GALNTL6: variants seen among roughly 807,000 people sequenced by gnomAD.
GALNTL6 encodes the protein polypeptide N-acetylgalactosaminyltransferase-like 6.
GALNTL6 carries 46 observed loss-of-function variants against 73.7 expected under a neutral mutation model. That is an observed-to-expected ratio of 0.62 (90% CI 0.49 to 0.80). GALNTL6 has a LOEUF of 0.80. Ranked by LOEUF, GALNTL6 falls within the 30% of genes least tolerant of loss-of-function variation. GALNTL6 has a pLI of 0.00. For synonymous variants in GALNTL6, 259 were observed against 263.7 expected, an observed-to-expected ratio of 0.98 and a Z score of 0.17; for missense variants, 604 against 755.0, an observed-to-expected ratio of 0.80 and a Z score of 2.34.
At chr4:171,837,737 A>C (rs1182918114) in intron 2 of GALNTL6, among the ~76,000 whole-genome samples, 2 of 148,186 alleles carry the variant, frequency 1.3e-5, no homozygotes, top group Non-Finnish European at 1.5e-5. Flanking sequence ...CACTTTTCTG[A>C]AGTTTAAGTT....
At chr4:172,465,758 A>G (rs995911308) in intron 5 of GALNTL6, among the ~76,000 whole-genome samples, 3 of 152,246 alleles carry the variant, frequency 2.0e-5, no homozygotes, top group African/African-American at 4.8e-5. Flanking sequence ...TGAGAAGATC[A>G]TAACAAGTAG....
intron 5 of GALNTL6, among the ~76,000 whole-genome samples, chr4:172,678,789 T>C (rs1732452656): frequency 6.6e-6 from 1 of 152,208 alleles, no homozygotes; most frequent in Non-Finnish European, 1.5e-5. Flanking sequence ...TGAGTTAATT[T>C]CTGAGGAGTG....
rs115747520 is a variant in GALNTL6, at chr4:172,030,878, T to C, written c.139-198778T>C. Among the ~76,000 whole-genome samples the C allele has an allele frequency of 6.0e-3, 910 of 152,134 alleles. 7 individuals carry two copies. The highest frequency in any genetic ancestry group is 0.021 in the African/African-American group (884 of 41,534). The stretch of plus-strand genomic sequence containing the variant: ...TAATTTTACAGCATCTGGAAATAGT[T>C]TACTATAGCATTATGTAAAATAAAC... On this transcript the variant is annotated intron_variant, in intron 2 of 12. Transcript: ENST00000506823.
intron 10 of GALNTL6, among the ~76,000 whole-genome samples, chr4:172,966,817 A>G (rs758516299): frequency 1.3e-5 from 2 of 152,386 alleles, no homozygotes; most frequent in East Asian, 3.9e-4. Context: ...CTTGAAATGT[A>G]GTGAGCCGCT....
Position 172,518,033 on chromosome 4 carries a change from G to A in GALNTL6, c.553+169344G>A, listed in dbSNP as rs181053921. Among the ~76,000 whole-genome samples, 23 of 151,912 alleles carry A rather than the reference G, an allele frequency of 1.5e-4. No individual in the cohort carries two copies. The East Asian group carries it at 3.7e-3, about 24-fold the overall frequency. ...TTGAATTTTCCAAAACAGTCTCAAT[G>A]TCACATATTCTGCCCCAGTATGCTC... is the stretch of plus-strand genomic sequence containing the variant. On this transcript the variant is annotated intron_variant, in intron 5 of 12. Transcript: ENST00000506823.
At chr4:172,103,927 TG>T (rs1352261615) in intron 2 of GALNTL6, among the ~76,000 whole-genome samples, 1 of 149,766 alleles carries the variant, frequency 6.7e-6, no homozygotes, top group African/African-American at 2.5e-5. Flanking sequence ...GACAGGTTTT[TG>T]TTTTTTTCTT....
chr4:172,433,733 C>CCATTGGGTTA (rs1305478844), intron 5 of GALNTL6, among the ~76,000 whole-genome samples: 2 of 151,996 alleles, frequency 1.3e-5, no homozygotes, highest in African/African-American at 2.4e-5. Flanking sequence ...ATACATCCTT[C>CCATTGGGTTA]CATTGGGTTA....
At chr4:172,494,018 T>A (rs1245822075) in intron 5 of GALNTL6, among the ~76,000 whole-genome samples, 1 of 152,146 alleles carries the variant, frequency 6.6e-6, no homozygotes, top group Non-Finnish European at 1.5e-5. Flanking sequence ...TTAACCTATA[T>A]ATTTTACCTG....
intron 5 of GALNTL6, among the ~76,000 whole-genome samples, chr4:172,781,095 G>C (rs1191696785): frequency 3.3e-5 from 5 of 152,170 alleles, no homozygotes; most frequent in Admixed American, 1.3e-4. Flanking sequence ...TTCAGCAGAT[G>C]AAACAAGAAA....
intron 2 of GALNTL6, among the ~76,000 whole-genome samples, chr4:171,902,071 A>C (rs547825458): frequency 8.9e-4 from 136 of 152,308 alleles, no homozygotes; most frequent in African/African-American, 3.1e-3. Flanking sequence ...ATTTTATTTA[A>C]GTTTGTGAAC....
chr4:171,899,093 A>ATACTAAATAAAAATTTAGTATTTATTAG (rs1737006754), intron 2 of GALNTL6, among the ~76,000 whole-genome samples: 1 of 151,682 alleles, frequency 6.6e-6, no homozygotes, highest in Non-Finnish European at 1.5e-5. Flanking sequence ...GTATTTATTA[A>ATACTAAATAAAAATTTAGTATTTATTAG]TACTAAATAA....
intron 2 of GALNTL6, among the ~76,000 whole-genome samples, chr4:172,220,443 C>G (rs2110946718): frequency 6.6e-6 from 1 of 151,840 alleles, no homozygotes; most frequent in South Asian, 2.1e-4. Flanking sequence ...AAAATTACAT[C>G]AGCACTAAAA....
At chr4:172,297,971 T>A (rs919363188) in intron 3 of GALNTL6, among the ~76,000 whole-genome samples, 101 of 152,350 alleles carry the variant, frequency 6.6e-4, no homozygotes, top group African/African-American at 2.2e-3. Flanking sequence ...ATATTGGTTC[T>A]TCCTACCCAT....
At chr4:172,620,207 A>G (rs1333710530) in intron 5 of GALNTL6, among the ~76,000 whole-genome samples, 1 of 152,230 alleles carries the variant, frequency 6.6e-6, no homozygotes, top group Non-Finnish European at 1.5e-5. Context: ...AGGGAGAGGA[A>G]GGGAGAAATC....
chr4:172,964,514 C>T (rs143728715), intron 10 of GALNTL6, among the ~76,000 whole-genome samples: 181 of 152,204 alleles, frequency 1.2e-3, no homozygotes, highest in African/African-American at 3.9e-3. Flanking sequence ...ATGTCAATAC[C>T]GAACTACCTA....
intron 7 of GALNTL6, among the ~76,000 whole-genome samples, chr4:172,854,833 T>C (rs1235744669): frequency 6.6e-6 from 1 of 152,216 alleles, no homozygotes; most frequent in Non-Finnish European, 1.5e-5. Context: ...GGTAAACTCT[T>C]TAAAAATGGG....
intron 8 of GALNTL6, among the ~76,000 whole-genome samples, chr4:172,915,197 C>A (rs1176812131): frequency 1.3e-5 from 2 of 152,172 alleles, no homozygotes; most frequent in Non-Finnish European, 1.5e-5. Flanking sequence ...TTCTTTGAAA[C>A]CAATGAGAAC....
rs536549746 is a variant in GALNTL6, at chr4:172,382,058, C to T, written c.553+33369C>T. ...GATCTTGGCTCACTGCAACTTCCAC[C>T]TCCTGGGTTCAAGCAATTCTCCTGC... On this transcript the variant is annotated intron_variant, in intron 5 of 12. Transcript: ENST00000506823. Among the ~76,000 whole-genome samples, 4 of 152,304 alleles carry T rather than the reference C, an allele frequency of 2.6e-5. No individual in the cohort carries two copies. In the South Asian group the frequency reaches 8.3e-4, roughly 32 times the overall value.
At chr4:172,532,700 T>C (rs895532262) in intron 5 of GALNTL6, among the ~76,000 whole-genome samples, 1 of 152,178 alleles carries the variant, frequency 6.6e-6, no homozygotes, top group African/African-American at 2.4e-5. Context: ...ATAGTCACTT[T>C]TGTGAGTTTT....
Sources: gnomAD v4.1 joint callset for allele counts (sites outside exome capture counted in the v4.1 genomes callset) on GRCh38, gnomAD v4.1.1 for gene constraint, MANE v1.5 for transcripts, NCBI Gene and HGNC (gene_info 2026-07-23, HGNC 2026-07-21) for gene names.